ADGRA2: variants seen among roughly 807,000 people sequenced by gnomAD.
ADGRA2 encodes G-protein coupled receptor 124.
A neutral mutation model predicts 98.7 loss-of-function variants in ADGRA2; 61 were observed. The observed-to-expected ratio is 0.62, with a 90% CI of 0.50 to 0.76. ADGRA2 has a LOEUF of 0.76. Among genes scored for constraint, ADGRA2 ranks in the 30% least tolerant of loss-of-function variants. The pLI, the probability that ADGRA2 is intolerant of heterozygous loss-of-function variation, is 0.00. For synonymous variants in ADGRA2, 858 were observed against 831.5 expected (o/e 1.03, Z -0.55); for missense variants, 1,712 against 1,860.0 (o/e 0.92, Z 1.46).
intron 1 of ADGRA2, among the ~76,000 whole-genome samples, chr8:37,805,637 A>T (rs1804637032): frequency 6.6e-6 from 1 of 151,754 alleles, no homozygotes; most frequent in African/African-American, 2.4e-5. Flanking sequence ...TGGGAGGCCG[A>T]GGTGGGTGGA....
At chr8:37,813,463 A>G (rs1460310465) in intron 1 of ADGRA2, among the ~76,000 whole-genome samples, 1 of 152,190 alleles carries the variant, frequency 6.6e-6, no homozygotes, top group African/African-American at 2.4e-5. Flanking sequence ...TATCCCATAT[A>G]ACGACTACTG....
chr8:37,803,554 A>G (rs1804567711), intron 1 of ADGRA2, among the ~76,000 whole-genome samples: 1 of 152,154 alleles, frequency 6.6e-6, no homozygotes, highest in Admixed American at 6.5e-5. Context: ...TGACAGGACG[A>G]AGCTGCCTCC....
At chr8:37,827,241 T>C (rs1429823817) in intron 2 of ADGRA2, among the ~76,000 whole-genome samples, 1 of 152,252 alleles carries the variant, frequency 6.6e-6, no homozygotes, top group Non-Finnish European at 1.5e-5. Context: ...CCACTCTGCC[T>C]TCTAGGCATC....
chr8:37,838,851 CA>C, intron 14 of ADGRA2, 104 bp from the exon 15 acceptor site: 1 of 1,369,410 alleles, frequency 7.3e-7, no homozygotes, highest in Non-Finnish European at 9.9e-7. Context: ...AACTAAGCAC[CA>C]AAGTGCAGGA....
At position 37,840,223 on chromosome 8, in the gene ADGRA2, C is replaced by G; in HGVS notation, c.2614C>G (p.Gln872Glu). ...GCTCACCTGGAGGGCACCCCCTCCG[C>G]AAGAAGGGGACCCCGCTCTGCCTAC... ...KELTWRAPPP[Q>E]EGDPALPTPS... is the part of the protein sequence containing the mutation. Residue 872 changes from glutamine (Q) to glutamate (E), a missense_variant, in exon 17 of 19, where the codon CAA (glutamine) becomes GAA (glutamate). Coordinates refer to ENST00000412232, the MANE Select transcript of ADGRA2 (RefSeq NM_032777.10). The G allele has an allele frequency of 6.2e-7, 1 of 1,612,940 alleles. No homozygotes were observed. Among genetic ancestry groups the G allele is most frequent in the East Asian group, 2.2e-5 (1 of 44,876 alleles).
intron 1 of ADGRA2, among the ~76,000 whole-genome samples, chr8:37,812,502 C>T (rs1419414873): frequency 3.9e-5 from 6 of 152,130 alleles, no homozygotes; most frequent in Non-Finnish European, 8.8e-5. Context: ...TGGCGGGCAC[C>T]TGTAGTCCCA....
Position 37,844,371 on chromosome 8 carries a change from T to G in ADGRA2, c.*2016T>G, listed in dbSNP as rs188269073. Reference sequence around the variant, plus strand: ...GGTCCAACTAATGGCAGAGCCCCTCTTGGTTCCTTCAAACAAGAAAAGCAA... The same window carrying G: ...GGTCCAACTAATGGCAGAGCCCCTCGTGGTTCCTTCAAACAAGAAAAGCAA... On this transcript the variant is annotated 3_prime_UTR_variant, in exon 19 of 19. Transcript: ENST00000412232. The G allele has an allele frequency of 7.7e-5, 105 of 1,372,150 alleles. 1 individual carries two copies. The highest frequency in any genetic ancestry group is 5.7e-4 in the Admixed American group (27 of 47,666). 85.0% of individuals were successfully genotyped at this position (1,372,150 alleles called of 1,614,324 possible). A position where few individuals can be genotyped will look rare whatever the true frequency, so the allele number is the denominator to read the frequency against.
At position 37,842,673 on chromosome 8, in the gene ADGRA2, C is replaced by T. The variant is rs1805845340; in HGVS notation, c.*318C>T. On this transcript the variant is annotated 3_prime_UTR_variant, in exon 19 of 19. Coordinates refer to ENST00000412232, the MANE Select transcript of ADGRA2 (RefSeq NM_032777.10). ...CAGGTGCACCCTCCCCAAGTACTCC[C>T]ACCCCGCCTACTGTCCATGCGGCCT... 3.4e-6 allele frequency: 1 copy of T among 289,898 alleles called. No individual in the cohort carries two copies. The highest frequency in any genetic ancestry group is 2.2e-5 in the African/African-American group (1 of 45,844). The allele number at this position is 289,898 out of a possible 1,614,324, so 18.0% of individuals were successfully genotyped here. A position where few individuals can be genotyped will look rare whatever the true frequency, so the allele number is the denominator to read the frequency against.
At position 37,841,071 on chromosome 8, in the gene ADGRA2, C is replaced by G. The variant is rs1281828118; in HGVS notation, c.2748-15C>G. The stretch of plus-strand genomic sequence containing the variant: ...ATGCCCCCTGTCCTCATCACTGCTT[C>G]TGTGTCTCCTACAGCTGCTGGCTGG... On this transcript the variant is annotated splice_polypyrimidine_tract_variant and intron_variant, in intron 18 of 18. Transcript: ENST00000412232. This position sits in a 1 kb window ranked among gnomAD's most constrained non-coding sequence, Gnocchi z 5.0. 1 of 1,538,524 alleles carries G rather than the reference C, an allele frequency of 6.5e-7. No homozygotes were observed. Among genetic ancestry groups the G allele is most frequent in the Non-Finnish European group, 8.8e-7 (1 of 1,139,244 alleles).
In ADGRA2 at chr8:37,835,179, G is replaced by C; in HGVS notation, c.1614G>C (p.Ala538=). 1 of 1,612,788 alleles carries C rather than the reference G, an allele frequency of 6.2e-7. No homozygotes were observed. Among genetic ancestry groups the C allele is most frequent in the Non-Finnish European group, 8.5e-7 (1 of 1,179,006 alleles). Residue 538 remains alanine, a synonymous_variant, in exon 12 of 19, where the codon GCG becomes GCC. Transcript: ENST00000412232. ...SPHAQHISVN[A]RNVALEAYLI... ...GACAAGGTCCCTGTCCCCAGAATGC[G>C]AGGAACGTGGCATTGGAGGCCTACC...
At chr8:37,816,153 G>A (rs1371242987) in intron 2 of ADGRA2, among the ~76,000 whole-genome samples, 1 of 152,190 alleles carries the variant, frequency 6.6e-6, no homozygotes, top group African/African-American at 2.4e-5. Flanking sequence ...TGGGGTCTGG[G>A]CGTGGTGGTT....
In ADGRA2 at chr8:37,797,403, G is replaced by T; in HGVS notation, c.135G>T (p.Lys45Asn). 1 of 1,430,102 alleles carries T rather than the reference G, an allele frequency of 7.0e-7. No homozygotes were observed. The highest frequency in any genetic ancestry group is 1.5e-5 in the South Asian group (1 of 68,652). The allele number at this position is 1,430,102 out of a possible 1,614,324, so 88.6% of individuals were successfully genotyped here. Residue 45 changes from lysine (K) to asparagine (N), a missense_variant, in exon 1 of 19, where the codon AAG becomes AAT. Physicochemically the swap from Lys to Asn is moderately conservative, Grantham distance 94. Coordinates refer to ENST00000412232, the MANE Select transcript of ADGRA2 (RefSeq NM_032777.10). The surrounding 1 kb of genome is among the most constrained non-coding windows in gnomAD (Gnocchi z 5.3). ...GCCCGCTATCCATCCGCAGCTGCAA[G>T]TGCTCGGGGGAGCGGCCCAAGGGGC... ...PGCPLSIRSCKCSGERPKGLS... is the reference protein window; with the variant it reads ...PGCPLSIRSCNCSGERPKGLS...
intron 15 of ADGRA2, 119 bp downstream of exon 15, chr8:37,839,202 G>C (rs938158175): frequency 1.5e-6 from 2 of 1,373,964 alleles, no homozygotes; most frequent in South Asian, 1.2e-5. Context: ...CAATGGGGGA[G>C]GGACTCCGAG....
At chr8:37,838,682 A>G (rs1805692243) in intron 14 of ADGRA2, among the ~76,000 whole-genome samples, 1 of 91,112 alleles carries the variant, frequency 1.1e-5, no homozygotes, top group Non-Finnish European at 2.2e-5. Flanking sequence ...CACAGGCAGC[A>G]CCTGCTCCCT....
chr8:37,805,476 C>T (rs1473007868), intron 1 of ADGRA2, among the ~76,000 whole-genome samples: 1 of 152,156 alleles, frequency 6.6e-6, no homozygotes, highest in Non-Finnish European at 1.5e-5. Flanking sequence ...TTGGCCCTTC[C>T]CTGTAATCTC....
At chr8:37,820,394 C>T (rs987137317) in intron 2 of ADGRA2, among the ~76,000 whole-genome samples, 5 of 152,352 alleles carry the variant, frequency 3.3e-5, no homozygotes, top group Admixed American at 2.0e-4. Flanking sequence ...ATTCATCTGT[C>T]CCATGGGGCC....
intron 2 of ADGRA2, among the ~76,000 whole-genome samples, chr8:37,820,320 A>G (rs1805093493): frequency 6.6e-6 from 1 of 152,186 alleles, no homozygotes; most frequent in Non-Finnish European, 1.5e-5. Context: ...CACAACCACT[A>G]TCCCCCCAGA....
At chr8:37,836,219 A>G (rs1485120999) in intron 13 of ADGRA2, among the ~76,000 whole-genome samples, 1 of 152,156 alleles carries the variant, frequency 6.6e-6, no homozygotes, top group South Asian at 2.1e-4. Context: ...AGGCTACCTA[A>G]GCAGTAGAGG....
At position 37,831,575 on chromosome 8, in the gene ADGRA2, G is replaced by A. The variant is rs142198191; in HGVS notation, c.1085G>A (p.Arg362His). 2.2e-5 allele frequency: 35 copies of A among 1,613,606 alleles called. No homozygotes were observed. The highest frequency in any genetic ancestry group is 6.7e-5 in the Admixed American group (4 of 60,000). The change falls in exon 8 of 19, where the codon CGC becomes CAC. Residue 362 changes from arginine (R) to histidine (H), a missense_variant. Physicochemically the swap from Arg to His is conservative, Grantham distance 29. Coordinates refer to ENST00000412232, the MANE Select transcript of ADGRA2 (RefSeq NM_032777.10). Reference protein sequence around the residue: ...YCPAERVANNRGDFRWPRTLA... With the variant: ...YCPAERVANNHGDFRWPRTLA... ...CCCGCCGAGCGTGTTGCCAACAACC[G>A]CGGGGACTTCAGGTTTGGCCCACTC...
Sources: allele counts gnomAD v4.1 joint callset (sites outside exome capture counted in the v4.1 genomes callset), GRCh38; gene constraint gnomAD v4.1.1; non-coding constraint Gnocchi (gnomAD v3.1); transcripts MANE v1.5; gene names NCBI Gene and HGNC (gene_info 2026-07-23, HGNC 2026-07-21).